The following PON3 variants were observed in gnomAD, a reference collection of about 807,000 sequenced individuals.
The protein encoded by PON3 is serum paraoxonase/lactonase 3.
A neutral mutation model predicts 36.3 loss-of-function variants in PON3; 37 were observed. The observed-to-expected ratio is 1.02, with a 90% CI of 0.78 to 1.34. PON3 has a LOEUF of 1.34. Among genes scored for constraint, PON3 ranks in the 40% most tolerant of loss-of-function variants. The pLI, the probability that PON3 is intolerant of heterozygous loss-of-function variation, is 0.00. For synonymous variants in PON3, 155 were observed against 154.8 expected (o/e 1.00, Z -0.01); for missense variants, 415 against 426.5 (o/e 0.97, Z 0.24).
At chr7:95,385,756 A>T (rs1809175602) in intron 3 of PON3, among the ~76,000 whole-genome samples, 1 of 152,238 alleles carries the variant, frequency 6.6e-6, no homozygotes, top group African/African-American at 2.4e-5. Context: ...CACCAGATTA[A>T]GAAACTCACT....
Position 95,360,361 on chromosome 7 carries a change from C to T in PON3, c.907-230G>A, listed in dbSNP as rs2074352. 0.18 allele frequency among the ~76,000 whole-genome samples: 28,021 copies of T among 152,118 alleles called. 3,572 individuals carry two copies. Among genetic ancestry groups the T allele is most frequent in the East Asian group, 0.59 (3,051 of 5,166 alleles). On this transcript the variant is annotated intron_variant, in intron 8 of 8. Coordinates refer to ENST00000265627, the MANE Select transcript of PON3 (RefSeq NM_000940.3). ...CCAAATTCCTCAGGGATGACTTACA[C>T]AATTTTTTTAGTGCAGGCATCCCTT...
At chr7:95,378,179 G>A (rs1054962447) in intron 3 of PON3, among the ~76,000 whole-genome samples, 3 of 152,074 alleles carry the variant, frequency 2.0e-5, no homozygotes, top group African/African-American at 7.2e-5. Flanking sequence ...CCAAAGTAAT[G>A]AAATAAAGTG....
At chr7:95,371,232 T>C (rs974751484) in intron 4 of PON3, among the ~76,000 whole-genome samples, 1 of 147,652 alleles carries the variant, frequency 6.8e-6, no homozygotes, top group Non-Finnish European at 1.5e-5. Flanking sequence ...CCACCTTTTG[T>C]ATTAGGAGTA....
At chr7:95,388,641 T>C (rs1809253507) in intron 3 of PON3, among the ~76,000 whole-genome samples, 1 of 152,224 alleles carries the variant, frequency 6.6e-6, no homozygotes, top group Non-Finnish European at 1.5e-5. Context: ...CATGCACATG[T>C]ATGTTTATTG....
chr7:95,360,894 G>A (rs945606273), intron 8 of PON3, among the ~76,000 whole-genome samples: 4 of 151,854 alleles, frequency 2.6e-5, no homozygotes, highest in African/African-American at 7.3e-5. Context: ...AGGTTTGTTA[G>A]ACAAAAATAC....
intron 1 of PON3, 143 bp downstream of exon 1, chr7:95,396,134 G>A: frequency 1.2e-6 from 1 of 863,398 alleles, no homozygotes. Context: ...GTCTCAAGGG[G>A]CGGTTTGCTG....
At chr7:95,394,209 CT>C in intron 2 of PON3, among the ~76,000 whole-genome samples, 2 of 151,718 alleles carry the variant, frequency 1.3e-5, no homozygotes, top group African/African-American at 4.8e-5. Flanking sequence ...CTGTGAGGTT[CT>C]TGAGGGGAGG....
chr7:95,381,205 C>A (rs1214545065), intron 3 of PON3, among the ~76,000 whole-genome samples: 1 of 152,092 alleles, frequency 6.6e-6, no homozygotes, highest in South Asian at 2.1e-4. Flanking sequence ...GAAGGAAGCA[C>A]TAAACATGGA....
chr7:95,360,900 A>T (rs1042912240), intron 8 of PON3, among the ~76,000 whole-genome samples: 1 of 152,124 alleles, frequency 6.6e-6, no homozygotes, highest in Non-Finnish European at 1.5e-5. Flanking sequence ...GTTAGACAAA[A>T]ATACTTAAGC....
At chr7:95,392,657 C>A (rs906019227) in intron 2 of PON3, among the ~76,000 whole-genome samples, 3 of 152,178 alleles carry the variant, frequency 2.0e-5, no homozygotes, top group Admixed American at 2.0e-4. Context: ...GTTATGAAAT[C>A]ATTTTAAGTG....
At chr7:95,373,594 C>A (rs1169186214) in intron 3 of PON3, among the ~76,000 whole-genome samples, 1 of 152,186 alleles carries the variant, frequency 6.6e-6, no homozygotes, top group Non-Finnish European at 1.5e-5. Context: ...TCAATAGCTA[C>A]ACCCTTTGCT....
rs531226818 is a variant in PON3 at position 95,365,096 on chromosome 7, T to G, written c.495-1033A>C. The G allele has an allele frequency of 2.0e-5, 3 of 152,322 alleles. No homozygotes were observed. The East Asian group carries it at 5.8e-4, about 29-fold the overall frequency. The allele number at this position is 152,322 out of a possible 1,614,324, so 9.4% of individuals were successfully genotyped here. A position where few individuals can be genotyped will look rare whatever the true frequency, so the allele number is the denominator to read the frequency against. ...CTCCAAAAAGTATTGCCTGACATCA[T>G]AAATTAGGTTAAACTGCCTCACAAT... On this transcript the variant is annotated intron_variant, in intron 5 of 8. Coordinates refer to ENST00000265627, the MANE Select transcript of PON3 (RefSeq NM_000940.3).
chr7:95,361,308 G>C (rs1027046356), intron 8 of PON3, among the ~76,000 whole-genome samples: 11 of 152,116 alleles, frequency 7.2e-5, no homozygotes, highest in African/African-American at 2.7e-4. Context: ...AGCAATACTG[G>C]AAGTAGAAAT....
chr7:95,395,591 T>C (rs17879480), intron 1 of PON3, among the ~76,000 whole-genome samples: 3,263 of 152,158 alleles, frequency 0.021, 64 homozygotes, highest in African/African-American at 0.046. Flanking sequence ...ACATAAACAC[T>C]CAAAGACAAC....
intron 6 of PON3, 92 bp from the exon 7 acceptor site, chr7:95,362,933 C>G: frequency 1.2e-6 from 1 of 825,890 alleles, no homozygotes; most frequent in Non-Finnish European, 2.1e-6. Flanking sequence ...AATGCACACT[C>G]CTTGAAAGTA....
intron 3 of PON3, among the ~76,000 whole-genome samples, chr7:95,389,736 A>C (rs1809277641): frequency 6.6e-6 from 1 of 152,200 alleles, no homozygotes; most frequent in Non-Finnish European, 1.5e-5. Context: ...TTCGATCCAC[A>C]AACATTTGCA....
At chr7:95,390,069 C>T in intron 3 of PON3, 85 bp downstream of exon 3, 1 of 1,346,214 alleles carries the variant, frequency 7.4e-7, no homozygotes, top group African/African-American at 1.4e-5. Flanking sequence ...CATAGGGATC[C>T]ATCTGGCAGC....
At chr7:95,390,314 G>A (rs1349652946) in intron 2 of PON3, 105 bp from the exon 3 acceptor site, 7 of 942,020 alleles carry the variant, frequency 7.4e-6, no homozygotes, top group African/African-American at 1.6e-5. Flanking sequence ...TTTGGAAATT[G>A]TTGACTTGTT....
chr7:95,380,203 C>T (rs112060840), intron 3 of PON3, among the ~76,000 whole-genome samples: 2 of 152,124 alleles, frequency 1.3e-5, no homozygotes, highest in Admixed American at 6.5e-5. Flanking sequence ...CCCATCTGTA[C>T]GTCAGCATCA....
Sources: allele counts gnomAD v4.1 joint callset (sites outside exome capture counted in the v4.1 genomes callset), GRCh38; gene constraint gnomAD v4.1.1; transcripts MANE v1.5; gene names NCBI Gene and HGNC (gene_info 2026-07-23, HGNC 2026-07-21).